PACS2: variants seen among roughly 807,000 people sequenced by gnomAD.
The protein encoded by PACS2 is PACS1-like protein.
Under a neutral mutation model 113.0 loss-of-function variants are expected in PACS2, and 36 were observed. The observed-to-expected ratio is 0.32, with a 90% confidence interval of 0.24 to 0.42. The LOEUF (loss-of-function observed/expected upper bound fraction) is 0.42. Ranked by LOEUF, PACS2 falls within the 10% of genes least tolerant of loss-of-function variation. The probability of loss-of-function intolerance (pLI) is 1.00; values close to 1 mark genes in which losing one functional copy is unlikely to be tolerated. For missense variants in PACS2, 1,015 were observed against 1,239.5 expected (o/e 0.82, Z 2.72); for synonymous variants, 589 against 536.1 (o/e 1.10, Z -1.36).
Position 105,384,924 on chromosome 14 carries a change from C to G in PACS2, c.1937C>G (p.Ala646Gly), listed in dbSNP as rs1555413199. ...DIVSRITQYIAGANCAHQLPI... is the reference protein window; with the variant it reads ...DIVSRITQYIGGANCAHQLPI... Reference sequence around the variant, plus strand: ...GTGTCACGCATCACGCAGTACATCGCAGGGGCCAACTGTGCCCACCAGCTC... The same window carrying G: ...GTGTCACGCATCACGCAGTACATCGGAGGGGCCAACTGTGCCCACCAGCTC... Residue 646 changes from alanine (A) to glycine (G), a missense_variant, in exon 18 of 25, where the codon GCA becomes GGA. Around this residue, in one of 3 missense-constraint regions of PACS2, gnomAD observed 859 missense variants for 1,056.8 expected, o/e 0.81. Coordinates refer to ENST00000447393, the MANE Select transcript of PACS2 (RefSeq NM_001100913.3). The G allele has an allele frequency of 2.5e-6, 4 of 1,602,378 alleles. No individual in the cohort carries two copies. The Admixed American group carries it at 5.1e-5, about 20-fold the overall frequency.
rs139791108 is a variant in PACS2, at chr14:105,387,451, C to G, written c.2033+1734C>G. On this transcript the variant is annotated intron_variant, in intron 19 of 24. Transcript: ENST00000447393. ...TGCCCAGGGCCATGCGGAGTGGCCC[C>G]CAAGGCATCTGTGCCCTCCGTGCCC... is the stretch of plus-strand genomic sequence containing the variant. 9.9e-3 allele frequency among the ~76,000 whole-genome samples: 1,510 copies of G among 152,320 alleles called. 25 individuals carry two copies. The highest frequency in any genetic ancestry group is 0.033 in the African/African-American group (1,352 of 41,578).
At chr14:105,390,917 C>T (rs2081334862) in intron 20 of PACS2, 1 of 480,632 alleles carries the variant, frequency 2.1e-6, no homozygotes, top group African/African-American at 2.0e-5. Context: ...CACCAGCGTC[C>T]TGTTTTTACT....
intron 2 of PACS2, among the ~76,000 whole-genome samples, chr14:105,351,005 G>A (rs782485441): frequency 1.6e-4 from 25 of 152,152 alleles, no homozygotes; most frequent in Non-Finnish European, 3.1e-4. Context: ...ACGGCCATGC[G>A]GGCCGCCCGC....
At position 105,392,605 on chromosome 14, in the gene PACS2, T is replaced by C; in HGVS notation, c.2256-14T>C. ...AAAGATGCAGGTGTGAATGCCTCCC[T>C]CTGCCTTTCCCAGCCAGGGTGTCGG... On this transcript the variant is annotated splice_polypyrimidine_tract_variant and intron_variant, in intron 22 of 24. Coordinates refer to ENST00000447393, the MANE Select transcript of PACS2 (RefSeq NM_001100913.3). 6.3e-7 allele frequency: 1 copy of C among 1,589,320 alleles called. No homozygotes were observed. The highest frequency in any genetic ancestry group is 8.6e-7 in the Non-Finnish European group (1 of 1,168,204).
At chr14:105,303,597 C>T (rs981785847) in intron 1 of PACS2, among the ~76,000 whole-genome samples, 14 of 152,052 alleles carry the variant, frequency 9.2e-5, no homozygotes, top group African/African-American at 2.9e-4. Flanking sequence ...ATCTCTTTTC[C>T]TTTATAAATA....
intron 8 of PACS2, chr14:105,370,271 C>T (rs1404776714): frequency 1.8e-5 from 3 of 162,178 alleles, no homozygotes; most frequent in African/African-American, 7.3e-5. Context: ...CCCTCCCCAC[C>T]TGACAGCCCC....
intron 1 of PACS2, among the ~76,000 whole-genome samples, chr14:105,322,468 GT>G (rs1265251505): frequency 6.6e-6 from 1 of 151,692 alleles, no homozygotes; most frequent in Non-Finnish European, 1.5e-5. Context: ...GTTTCACCAT[GT>G]TGGCCAGACT....
chr14:105,328,794 T>A (rs146695161), intron 1 of PACS2, among the ~76,000 whole-genome samples: 2,810 of 152,284 alleles, frequency 0.018, 94 homozygotes, highest in African/African-American at 0.062. Flanking sequence ...AGACTCATTG[T>A]AAAAAAGATT....
chr14:105,381,859 C>G, intron 12 of PACS2, 55 bp from the exon 13 acceptor site: 1 of 1,499,052 alleles, frequency 6.7e-7, no homozygotes, highest in Non-Finnish European at 9.0e-7. Flanking sequence ...CCTGCCTCTG[C>G]CCCTGTTCCT....
rs1002092827 is a variant in PACS2 at position 105,365,591 on chromosome 14, C to T, written c.424-1622C>T. 6.6e-6 allele frequency among the ~76,000 whole-genome samples: 1 copy of T among 152,148 alleles called. No homozygotes were observed. The highest frequency in any genetic ancestry group is 2.4e-5 in the African/African-American group (1 of 41,430). On this transcript the variant is annotated intron_variant, in intron 4 of 24. Coordinates refer to ENST00000447393, the MANE Select transcript of PACS2 (RefSeq NM_001100913.3). This position sits in a 1 kb window ranked among gnomAD's most constrained non-coding sequence, Gnocchi z 5.1. ...AGGGTTTTCTTAGGAGAAAAAGGGC[C>T]CAGACCCCTCTGAGCCCCGTGGAGG... is the stretch of plus-strand genomic sequence containing the variant.
chr14:105,389,182 C>T (rs1286883306), intron 19 of PACS2: 5 of 152,496 alleles, frequency 3.3e-5, no homozygotes, highest in South Asian at 2.1e-4. Flanking sequence ...CTCAGCGGCC[C>T]CGCGGCTCCT....
chr14:105,377,681 C>T (rs749736929), intron 9 of PACS2, among the ~76,000 whole-genome samples: 10 of 152,224 alleles, frequency 6.6e-5, no homozygotes, highest in African/African-American at 9.6e-5. Context: ...AGCCACGCAG[C>T]GGCCTCCCAC....
In PACS2 at chr14:105,342,715, C is replaced by T. The variant is rs587601456; in HGVS notation, c.120-5778C>T. Among the ~76,000 whole-genome samples the T allele has an allele frequency of 4.6e-5, 7 of 151,842 alleles. No individual in the cohort carries two copies. The South Asian group carries it at 1.2e-3, about 27-fold the overall frequency. On this transcript the variant is annotated intron_variant, in intron 1 of 24. Transcript: ENST00000447393. ...TCAGGAGGCCGAGGTGGGCGGGTCA[C>T]TTGAGGTCAGGAGTTCAAAACCAGC...
intron 13 of PACS2, 71 bp from the exon 14 acceptor site, chr14:105,382,406 A>G: frequency 1.1e-6 from 1 of 918,428 alleles, no homozygotes; most frequent in Non-Finnish European, 1.8e-6. Flanking sequence ...CACTGCAGGC[A>G]CCAGGGCTGG....
Position 105,317,985 on chromosome 14 carries a change from G to A in PACS2, c.119+2948G>A, listed in dbSNP as rs2058738552. ...GTCCACGGGGTATGCGTCAGTGCCTGTCTGTGGCCTCTGCCTCCTGGGTTC... is the reference window on the plus strand; with the variant it reads ...GTCCACGGGGTATGCGTCAGTGCCTATCTGTGGCCTCTGCCTCCTGGGTTC... On this transcript the variant is annotated intron_variant, in intron 1 of 24. Coordinates refer to ENST00000447393, the MANE Select transcript of PACS2 (RefSeq NM_001100913.3). This position sits in a 1 kb window ranked among gnomAD's most constrained non-coding sequence, Gnocchi z 4.2. Among the ~76,000 whole-genome samples, 1 of 152,208 alleles carries A rather than the reference G, an allele frequency of 6.6e-6. No individual in the cohort carries two copies. Among genetic ancestry groups the A allele is most frequent in the South Asian group, 2.1e-4 (1 of 4,826 alleles).
At chr14:105,320,395 G>C (rs587680088) in intron 1 of PACS2, among the ~76,000 whole-genome samples, 1 of 151,908 alleles carries the variant, frequency 6.6e-6, no homozygotes. Flanking sequence ...TTTGAGACAG[G>C]GTCTTGCTCT....
chr14:105,387,355 A>C (rs1310398971), intron 19 of PACS2, among the ~76,000 whole-genome samples: 1 of 152,170 alleles, frequency 6.6e-6, no homozygotes, highest in African/African-American at 2.4e-5. Flanking sequence ...CCAGGCCTGG[A>C]GGGCGGCCTC....
rs111376436 is a variant in PACS2, at chr14:105,367,286, C to T, written c.497C>T (p.Ala166Val). ...CSSIKEAPVK[A>V]AEIWIASLSS... ...AGCATCAAGGAGGCCCCCGTCAAGG[C>T]GGCCGAGATCTGGATCGCCTCCCTG... is the stretch of plus-strand genomic sequence containing the variant. The change falls in exon 5 of 25, where the codon GCG becomes GTG. Residue 166 changes from alanine (A) to valine (V), a missense_variant. Physicochemically the swap from Ala to Val is moderately conservative, Grantham distance 64. Coordinates refer to ENST00000447393, the MANE Select transcript of PACS2 (RefSeq NM_001100913.3). 0.02 allele frequency: 32,171 copies of T among 1,613,084 alleles called. 377 individuals are homozygous for T. Among genetic ancestry groups the T allele is most frequent in the Middle Eastern group, 0.035 (211 of 6,062 alleles).
At chr14:105,392,346 C>G in intron 22 of PACS2, 2 of 509,678 alleles carry the variant, frequency 3.9e-6, no homozygotes, top group East Asian at 3.5e-5. Context: ...CGGGCCCTCA[C>G]GACTCCAAGG....
Sources: gnomAD v4.1 joint callset for allele counts (sites outside exome capture counted in the v4.1 genomes callset) on GRCh38, gnomAD v4.1.1 for gene constraint, gnomAD v4.1.1 regional missense constraint, Gnocchi (gnomAD v3.1) non-coding constraint, MANE v1.5 for transcripts, NCBI Gene and HGNC (gene_info 2026-07-23, HGNC 2026-07-21) for gene names.